GNA14: variants seen among roughly 807,000 people sequenced by gnomAD.
The protein encoded by GNA14 is G protein subunit alpha 14.
Under a neutral mutation model 42.0 loss-of-function variants are expected in GNA14, and 50 were observed. That is an observed-to-expected ratio of 1.19 (90% CI 0.95 to 1.51). The LOEUF is 1.51. GNA14 is among the 40% of genes most tolerant of loss of function. The probability of loss-of-function intolerance (pLI) is 0.00; values close to 1 mark genes in which losing one functional copy is unlikely to be tolerated. For synonymous variants in GNA14, 173 were observed against 163.1 expected, an observed-to-expected ratio of 1.06 and a Z score of -0.46; for missense variants, 473 against 446.2, an observed-to-expected ratio of 1.06 and a Z score of -0.54.
At chr9:77,644,436 TC>T (rs1376872999) in intron 1 of GNA14, among the ~76,000 whole-genome samples, 2 of 35,176 alleles carry the variant, frequency 5.7e-5, no homozygotes, top group South Asian at 1.3e-3. Flanking sequence ...CTAAAGAGTG[TC>T]AAAAAAAAAA....
intron 2 of GNA14, among the ~76,000 whole-genome samples, chr9:77,493,024 A>AT (rs1424877123): frequency 2.7e-4 from 20 of 73,458 alleles, no homozygotes; most frequent in East Asian, 5.8e-4. Context: ...AAAAAAAAAA[A>AT]AAATATATAT....
intron 1 of GNA14, among the ~76,000 whole-genome samples, chr9:77,573,233 G>A (rs1247482155): frequency 3.3e-5 from 5 of 152,032 alleles, no homozygotes; most frequent in Admixed American, 1.3e-4. Flanking sequence ...TGGATCACCC[G>A]AGGTCAGGAG....
At chr9:77,634,616 C>T (rs974232319) in intron 1 of GNA14, among the ~76,000 whole-genome samples, 1 of 151,956 alleles carries the variant, frequency 6.6e-6, no homozygotes, top group African/African-American at 2.4e-5. Flanking sequence ...TTTTCATATC[C>T]TTATACCACT....
chr9:77,551,713 C>T (rs1276791516), intron 1 of GNA14, among the ~76,000 whole-genome samples: 1 of 151,298 alleles, frequency 6.6e-6, no homozygotes, highest in African/African-American at 2.4e-5. Context: ...CAACAAGAAA[C>T]AATAAGAAAA....
chr9:77,425,305 G>T (rs1375434443), intron 6 of GNA14, among the ~76,000 whole-genome samples: 1 of 152,136 alleles, frequency 6.6e-6, no homozygotes, highest in Non-Finnish European at 1.5e-5. Flanking sequence ...GCCTTTGCTG[G>T]GTTTTGGAGA....
At chr9:77,633,600 A>G (rs1199573878) in intron 1 of GNA14, among the ~76,000 whole-genome samples, 2 of 151,832 alleles carry the variant, frequency 1.3e-5, no homozygotes, top group Non-Finnish European at 2.9e-5. Flanking sequence ...GGGCTAGGGA[A>G]TGATAGATAA....
At chr9:77,605,631 G>A (rs145790661) in intron 1 of GNA14, among the ~76,000 whole-genome samples, 20 of 152,326 alleles carry the variant, frequency 1.3e-4, no homozygotes, top group African/African-American at 4.8e-4. Flanking sequence ...ACATGGATGA[G>A]CCAGGAGGAC....
intron 2 of GNA14, among the ~76,000 whole-genome samples, chr9:77,451,060 T>G (rs563021181): frequency 3.9e-5 from 6 of 152,166 alleles, no homozygotes; most frequent in Non-Finnish European, 8.8e-5. Context: ...TATAGCAGCA[T>G]GAGAACAGAC....
intron 1 of GNA14, among the ~76,000 whole-genome samples, chr9:77,551,217 T>C (rs2131781778): frequency 6.6e-6 from 1 of 152,254 alleles, no homozygotes. Flanking sequence ...TTTGACACAG[T>C]TTGATATATT....
At chr9:77,459,214 C>T (rs371142710) in intron 2 of GNA14, among the ~76,000 whole-genome samples, 8 of 150,616 alleles carry the variant, frequency 5.3e-5, no homozygotes, top group African/African-American at 9.8e-5. Flanking sequence ...CCAGCCTGGG[C>T]GACAGAGTGA....
rs561922696 is a variant in GNA14 at position 77,643,016 on chromosome 9, C to G, written c.124+4654G>C. The stretch of plus-strand genomic sequence containing the variant: ...CTCCTCCAGAGGCTCCCCCTTTACG[C>G]TCTGCCTGTTCTACCTCTTAATCTC... On this transcript the variant is annotated intron_variant, in intron 1 of 6. Transcript: ENST00000341700. Among the ~76,000 whole-genome samples, 13 of 152,272 alleles carry G rather than the reference C, an allele frequency of 8.5e-5. 1 individual carries two copies. The highest frequency in any genetic ancestry group is 2.1e-4 in the South Asian group (1 of 4,824).
Position 77,466,296 on chromosome 9 carries a change from TTC to T in GNA14, c.310-31776_310-31775del, listed in dbSNP as rs146407202. Among the ~76,000 whole-genome samples, 1,447 of 152,252 alleles carry T rather than the reference TTC, an allele frequency of 9.5e-3. 26 individuals are homozygous for T. The highest frequency in any genetic ancestry group is 0.033 in the African/African-American group (1,359 of 41,556). ...TGTTGATCTGAGACCATGCTTCCTT[TTC>T]TTTCTTCTTTCTGTTCTTTAGAATG... On this transcript the variant is annotated intron_variant, in intron 2 of 6. Transcript: ENST00000341700.
At chr9:77,558,932 A>C (rs1162279636) in intron 1 of GNA14, among the ~76,000 whole-genome samples, 1 of 145,842 alleles carries the variant, frequency 6.9e-6, no homozygotes, top group South Asian at 2.1e-4. Flanking sequence ...CAAAAAACAA[A>C]AAAAAAAACA....
intron 2 of GNA14, among the ~76,000 whole-genome samples, chr9:77,498,520 T>C (rs1027373260): frequency 6.6e-6 from 1 of 152,166 alleles, no homozygotes; most frequent in African/African-American, 2.4e-5. Flanking sequence ...AGTGAATGGA[T>C]GGATGGCTCC....
At chr9:77,495,137 C>T (rs151115829) in intron 2 of GNA14, among the ~76,000 whole-genome samples, 238 of 152,234 alleles carry the variant, frequency 1.6e-3, no homozygotes, top group African/African-American at 5.5e-3. Flanking sequence ...TGCATCATTT[C>T]AAGAGCAAAC....
rs936716647 is a variant in GNA14, at chr9:77,492,633, C to T, written c.309+36436G>A. On this transcript the variant is annotated intron_variant, in intron 2 of 6. Coordinates refer to ENST00000341700, the MANE Select transcript of GNA14 (RefSeq NM_004297.4). ...AATACGAAGAAATAGAAAACCCTAACGCAATGTATAGCATCTTAACATGCA... is the reference window on the plus strand; with the variant it reads ...AATACGAAGAAATAGAAAACCCTAATGCAATGTATAGCATCTTAACATGCA... Among the ~76,000 whole-genome samples, 8 of 152,076 alleles carry T rather than the reference C, an allele frequency of 5.3e-5. No homozygotes were observed. In the East Asian group the frequency reaches 5.8e-4, roughly 11 times the overall value.
intron 2 of GNA14, among the ~76,000 whole-genome samples, chr9:77,468,949 C>T (rs768120326): frequency 6.6e-6 from 1 of 152,200 alleles, no homozygotes; most frequent in East Asian, 1.9e-4. Context: ...TTAAAACTCT[C>T]AACACATGCA....
rs554569480 is a variant in GNA14, at chr9:77,556,087, T to C, written c.125-26834A>G. ...TGGTGAAACCCCATCTCTACAAAAATACAAAAATTAGCCGGGCATGATGGT... is the reference window on the plus strand; with the variant it reads ...TGGTGAAACCCCATCTCTACAAAAACACAAAAATTAGCCGGGCATGATGGT... On this transcript the variant is annotated intron_variant, in intron 1 of 6. Transcript: ENST00000341700. Among the ~76,000 whole-genome samples, 29 of 152,022 alleles carry C rather than the reference T, an allele frequency of 1.9e-4. 1 individual carries two copies. In the South Asian group the frequency reaches 6.0e-3, roughly 32 times the overall value.
intron 1 of GNA14, among the ~76,000 whole-genome samples, chr9:77,645,312 G>A (rs1824335947): frequency 6.6e-6 from 1 of 152,190 alleles, no homozygotes. Flanking sequence ...CGAATTGCAT[G>A]ACTTCAGACA....
Sources: allele counts gnomAD v4.1 joint callset (sites outside exome capture counted in the v4.1 genomes callset), GRCh38; gene constraint gnomAD v4.1.1; transcripts MANE v1.5; gene names NCBI Gene and HGNC (gene_info 2026-07-23, HGNC 2026-07-21).